Variants in KCNH1 observed in about 807,000 individuals in gnomAD.
The protein encoded by KCNH1 is voltage-gated delayed rectifier potassium channel KCNH1.
A neutral mutation model predicts 69.2 loss-of-function variants in KCNH1; 27 were observed. The ratio of observed to expected loss-of-function variants is 0.39; its 90% confidence interval spans 0.29 to 0.54. The LOEUF (loss-of-function observed/expected upper bound fraction) is 0.54, where lower values mean the gene tolerates loss of function less well. KCNH1 is among the 20% of genes least tolerant of loss of function. The probability of loss-of-function intolerance (pLI) is 0.68; values close to 1 mark genes in which losing one functional copy is unlikely to be tolerated. For synonymous variants in KCNH1, 456 were observed against 487.7 expected (o/e 0.93, Z 0.86); for missense variants, 798 against 1,261.6 (o/e 0.63, Z 5.57).
rs1681203076 is a variant in KCNH1, at chr1:210,679,019, T to A, written c.*4262A>T. 6.6e-6 allele frequency: 1 copy of A among 152,234 alleles called. No homozygotes were observed. Among genetic ancestry groups the A allele is most frequent in the Non-Finnish European group, 1.5e-5 (1 of 68,048 alleles). 9.4% of individuals were successfully genotyped at this position (152,234 alleles called of 1,614,324 possible). A position where few individuals can be genotyped will look rare whatever the true frequency, so the allele number is the denominator to read the frequency against. On this transcript the variant is annotated 3_prime_UTR_variant, in exon 11 of 11. Transcript: ENST00000271751. ...GTTTCACTTGAATTTAAGCTGCAGATAAATTCACATTGATTCTTTTGAGCT... is the reference window on the plus strand; with the variant it reads ...GTTTCACTTGAATTTAAGCTGCAGAAAAATTCACATTGATTCTTTTGAGCT...
At chr1:210,733,037 G>C (rs867633959) in intron 10 of KCNH1, among the ~76,000 whole-genome samples, 3 of 152,190 alleles carry the variant, frequency 2.0e-5, no homozygotes, top group African/African-American at 7.2e-5. Context: ...GCAAGTCTCT[G>C]AGAGTTAAAA....
At position 210,919,774 on chromosome 1, in the gene KCNH1, C is replaced by T. The variant is rs757711953; in HGVS notation, c.1328G>A (p.Gly443Asp). The T allele has an allele frequency of 3.1e-6, 5 of 1,614,174 alleles. No individual in the cohort carries two copies. Residue 443 changes from glycine (G) to aspartate (D), a missense_variant, in exon 7 of 11, where the codon GGT (glycine) becomes GAT (aspartate). By Grantham distance (94) the Gly-to-Asp change is moderately conservative. This residue lies in a region of KCNH1 where 197 missense variants were observed against 407.7 expected (regional missense o/e 0.48). Coordinates refer to ENST00000271751, the MANE Select transcript of KCNH1 (RefSeq NM_172362.3). This position sits in a 1 kb window ranked among gnomAD's most constrained non-coding sequence, Gnocchi z 4.2. Reference protein sequence around the residue: ...NGSGSGKWEGGPSKNSVYISS... With the variant: ...NGSGSGKWEGDPSKNSVYISS... ...GATGTAGACAGAATTCTTGCTGGGA[C>T]CACCTTCCCACTTCCCTGAGCCAGA...
chr1:210,750,124 A>ACTT (rs1369223991), intron 10 of KCNH1, among the ~76,000 whole-genome samples: 1 of 152,158 alleles, frequency 6.6e-6, no homozygotes, highest in Non-Finnish European at 1.5e-5. Flanking sequence ...TGAGGATGTG[A>ACTT]CTTCAAGCTC....
At chr1:210,853,597 T>G (rs111266503) in intron 7 of KCNH1, among the ~76,000 whole-genome samples, 74 of 152,316 alleles carry the variant, frequency 4.9e-4, no homozygotes, top group African/African-American at 1.8e-3. Context: ...CCAGCCTGAT[T>G]GGGTACAACT....
At chr1:210,907,444 T>G (rs1455582980) in intron 7 of KCNH1, among the ~76,000 whole-genome samples, 2 of 151,370 alleles carry the variant, frequency 1.3e-5, no homozygotes, top group African/African-American at 4.9e-5. Context: ...AGATTCTGCA[T>G]GAGGAGAAGG....
chr1:210,836,962 C>G (rs1178559950), intron 7 of KCNH1, among the ~76,000 whole-genome samples: 1 of 152,198 alleles, frequency 6.6e-6, no homozygotes, highest in East Asian at 1.9e-4. Flanking sequence ...CTAGCCCATT[C>G]TGTACAACAT....
intron 9 of KCNH1, among the ~76,000 whole-genome samples, chr1:210,784,498 TG>T (rs1173562216): frequency 6.6e-6 from 1 of 152,146 alleles, no homozygotes; most frequent in Non-Finnish European, 1.5e-5. Context: ...CTGATTGTGT[TG>T]GGGTGTCAAG....
chr1:211,037,576 T>C (rs955287723), intron 5 of KCNH1, among the ~76,000 whole-genome samples: 2 of 148,732 alleles, frequency 1.3e-5, no homozygotes, highest in African/African-American at 5.0e-5. Flanking sequence ...GATAGCAACA[T>C]GCCTTCCTGT....
intron 6 of KCNH1, among the ~76,000 whole-genome samples, chr1:210,998,684 T>A (rs1309925090): frequency 6.6e-6 from 1 of 152,140 alleles, no homozygotes; most frequent in Admixed American, 6.5e-5. Flanking sequence ...TACAGAACTC[T>A]CCACCCCAAA....
At chr1:211,082,141 A>G (rs1690869747) in intron 5 of KCNH1, among the ~76,000 whole-genome samples, 1 of 152,210 alleles carries the variant, frequency 6.6e-6, no homozygotes, top group Non-Finnish European at 1.5e-5. Context: ...TCCTAACTAC[A>G]AAGATTATCA....
chr1:211,065,023 A>G (rs748889325), intron 5 of KCNH1, among the ~76,000 whole-genome samples: 9 of 152,242 alleles, frequency 5.9e-5, no homozygotes, highest in Admixed American at 2.6e-4. Flanking sequence ...AAGCCTTTGC[A>G]CACTGTTGGT....
At chr1:210,915,239 G>A (rs1208634126) in intron 7 of KCNH1, among the ~76,000 whole-genome samples, 5 of 152,148 alleles carry the variant, frequency 3.3e-5, no homozygotes, top group African/African-American at 1.2e-4. Flanking sequence ...GACAGGGTCT[G>A]TCTCTGTCCT....
At chr1:211,000,263 C>A (rs1342794287) in intron 6 of KCNH1, among the ~76,000 whole-genome samples, 2 of 152,050 alleles carry the variant, frequency 1.3e-5, no homozygotes, top group African/African-American at 4.8e-5. Context: ...CTAGAAAAAC[C>A]CCATCATCTC....
At chr1:211,087,611 A>ACACACACACACACACACACACACG (rs1690977656) in intron 4 of KCNH1, among the ~76,000 whole-genome samples, 3 of 59,410 alleles carry the variant, frequency 5.0e-5, no homozygotes, top group African/African-American at 1.6e-4. Flanking sequence ...AAGCATACAC[A>ACACACACACACACACACACACACG]CACACACACA....
At chr1:210,770,154 G>A (rs901663803) in intron 10 of KCNH1, among the ~76,000 whole-genome samples, 1 of 127,092 alleles carries the variant, frequency 7.9e-6, no homozygotes, top group Non-Finnish European at 1.7e-5. Flanking sequence ...TGAACAATGA[G>A]AACACATGGA....
intron 10 of KCNH1, among the ~76,000 whole-genome samples, chr1:210,749,158 C>A (rs1683226582): frequency 6.6e-6 from 1 of 152,124 alleles, no homozygotes. Context: ...ACTATGTCCA[C>A]CCAGCCCCTC....
At chr1:210,998,552 C>A (rs142298850) in intron 6 of KCNH1, among the ~76,000 whole-genome samples, 1 of 152,080 alleles carries the variant, frequency 6.6e-6, no homozygotes, top group African/African-American at 2.4e-5. Flanking sequence ...GACTCCCACA[C>A]GATAATAGTG....
rs1166931965 is a variant in KCNH1 at position 211,098,759 on chromosome 1, A to C, written c.310+4737T>G. ...GGGTAATTTTAAATGGATAATAAATAGGAAAAAAACACTTCAATCTCACTA... is the reference window on the plus strand; with the variant it reads ...GGGTAATTTTAAATGGATAATAAATCGGAAAAAAACACTTCAATCTCACTA... On this transcript the variant is annotated intron_variant, in intron 3 of 10. Coordinates refer to ENST00000271751, the MANE Select transcript of KCNH1 (RefSeq NM_172362.3). Among the ~76,000 whole-genome samples the C allele has an allele frequency of 1.8e-4, 28 of 152,240 alleles. 1 individual carries two copies. Among genetic ancestry groups the C allele is most frequent in the Admixed American group, 1.8e-3 (28 of 15,278 alleles).
intron 1 of KCNH1, among the ~76,000 whole-genome samples, chr1:211,118,358 T>C (rs1398585393): frequency 1.3e-5 from 2 of 152,202 alleles, no homozygotes; most frequent in Non-Finnish European, 2.9e-5. Flanking sequence ...CCTTCCTACA[T>C]TGTTCAGTAA....
Sources: allele counts gnomAD v4.1 joint callset (sites outside exome capture counted in the v4.1 genomes callset), GRCh38; gene constraint gnomAD v4.1.1; regional missense constraint gnomAD v4.1.1; non-coding constraint Gnocchi (gnomAD v3.1); transcripts MANE v1.5; gene names NCBI Gene and HGNC (gene_info 2026-07-23, HGNC 2026-07-21).